Variants in CNTN4 observed in about 807,000 individuals in gnomAD.
The protein encoded by CNTN4 is contactin-4.
In CNTN4, 77 loss-of-function variants were observed where a neutral mutation model predicts 122.5. The observed-to-expected ratio is 0.63, with a 90% CI of 0.52 to 0.76. The LOEUF (loss-of-function observed/expected upper bound fraction) is 0.76, where lower values mean the gene tolerates loss of function less well. Among genes scored for constraint, CNTN4 ranks in the 30% least tolerant of loss-of-function variants. CNTN4 has a pLI of 0.00. For missense variants in CNTN4, 1,256 were observed against 1,259.1 expected (o/e 1.00, Z 0.04); for synonymous variants, 512 against 447.0 (o/e 1.15, Z -1.83).
intron 2 of CNTN4, among the ~76,000 whole-genome samples, chr3:2,219,784 T>C (rs1243141544): frequency 1.3e-5 from 2 of 152,156 alleles, no homozygotes; most frequent in Non-Finnish European, 2.9e-5. Context: ...TGTTTTGAGA[T>C]GGATCTTAAA....
intron 10 of CNTN4, among the ~76,000 whole-genome samples, chr3:2,892,497 C>T (rs1368712784): frequency 6.6e-6 from 1 of 152,116 alleles, no homozygotes; most frequent in Non-Finnish European, 1.5e-5. Flanking sequence ...AGAATGAGAG[C>T]GCTAAGGCAA....
chr3:3,045,971 C>T (rs1026420903), intron 23 of CNTN4, among the ~76,000 whole-genome samples: 2 of 152,182 alleles, frequency 1.3e-5, no homozygotes, highest in African/African-American at 2.4e-5. Flanking sequence ...ACGAGAACTA[C>T]ATGACGAAGG....
chr3:2,531,729 C>T (rs2077604288), intron 3 of CNTN4, among the ~76,000 whole-genome samples: 1 of 152,116 alleles, frequency 6.6e-6, no homozygotes, highest in African/African-American at 2.4e-5. Context: ...AGTAAAGATT[C>T]CATTTGATGA....
At position 2,932,983 on chromosome 3, in the gene CNTN4, C is replaced by T. The variant is rs113388126; in HGVS notation, c.1358+7204C>T. ...GACTACAGGCACCCACCACTATGCCCGGCTAATTTTTTGTATTTTTAGTAG... is the reference window on the plus strand; with the variant it reads ...GACTACAGGCACCCACCACTATGCCTGGCTAATTTTTTGTATTTTTAGTAG... On this transcript the variant is annotated intron_variant, in intron 13 of 24. Transcript: ENST00000418658. Among the ~76,000 whole-genome samples, 1,270 of 152,094 alleles carry T rather than the reference C, an allele frequency of 8.4e-3. 25 individuals are homozygous for T. The highest frequency in any genetic ancestry group is 0.029 in the African/African-American group (1,187 of 41,474).
intron 14 of CNTN4, among the ~76,000 whole-genome samples, chr3:3,020,419 T>G (rs1441521139): frequency 6.6e-6 from 1 of 152,180 alleles, no homozygotes; most frequent in Non-Finnish European, 1.5e-5. Context: ...GAAAAACAGT[T>G]AATTCCGATG....
chr3:2,647,725 G>C (rs2150165055), intron 4 of CNTN4, among the ~76,000 whole-genome samples: 1 of 152,238 alleles, frequency 6.6e-6, no homozygotes, highest in East Asian at 1.9e-4. Context: ...CTCACAAACA[G>C]ATGCAAACTA....
intron 8 of CNTN4, among the ~76,000 whole-genome samples, chr3:2,881,596 C>G (rs558721280): frequency 6.7e-6 from 1 of 149,768 alleles, no homozygotes; most frequent in Non-Finnish European, 1.5e-5. Context: ...ACCTGTCCCC[C>G]ATCCAGTGAG....
chr3:2,495,487 T>C (rs924241782), intron 3 of CNTN4, among the ~76,000 whole-genome samples: 1 of 152,224 alleles, frequency 6.6e-6, no homozygotes, highest in African/African-American at 2.4e-5. Flanking sequence ...AATATGGCTC[T>C]TGTTTGGTCC....
At position 2,530,497 on chromosome 3, in the gene CNTN4, CAG is replaced by C. The variant is rs1401367929; in HGVS notation, c.-88-40918_-88-40917del. 2.0e-5 allele frequency among the ~76,000 whole-genome samples: 3 copies of C among 151,778 alleles called. No individual in the cohort carries two copies. In the East Asian group the frequency reaches 5.9e-4, roughly 30 times the overall value. ...CTAATTTTTGTATTTTTAGTAGAGA[CAG>C]GGGTTTCACCATGTTGGCCAGGATG... On this transcript the variant is annotated intron_variant, in intron 3 of 24. Transcript: ENST00000418658.
At chr3:2,766,587 C>T (rs560046662) in intron 6 of CNTN4, among the ~76,000 whole-genome samples, 103 of 152,090 alleles carry the variant, frequency 6.8e-4, no homozygotes, top group African/African-American at 2.4e-3. Context: ...AATTTTGGGA[C>T]GCGGCGGGGA....
intron 2 of CNTN4, among the ~76,000 whole-genome samples, chr3:2,188,667 T>A (rs1238116480): frequency 2.6e-5 from 4 of 152,114 alleles, no homozygotes; most frequent in African/African-American, 9.7e-5. Flanking sequence ...GCCTCTCAGG[T>A]ACCTGTGAAC....
At chr3:2,179,064 C>T (rs533763838) in intron 2 of CNTN4, among the ~76,000 whole-genome samples, 5 of 152,050 alleles carry the variant, frequency 3.3e-5, no homozygotes, top group Admixed American at 6.6e-5. Context: ...GCTCATACTC[C>T]GAGGTAATAA....
intron 13 of CNTN4, among the ~76,000 whole-genome samples, chr3:2,970,117 A>T (rs1007912656): frequency 2.0e-5 from 3 of 152,202 alleles, no homozygotes; most frequent in African/African-American, 7.2e-5. Context: ...TAAGAGAGAC[A>T]GTCTTGCTCT....
rs1041635298 is a variant in CNTN4 at position 2,447,476 on chromosome 3, A to C, written c.-89+108243A>C. ...TTAACTTCTAACATTTAAATATGCT[A>C]TGTCTATATTTATAATATATTTTAT... is the stretch of plus-strand genomic sequence containing the variant. On this transcript the variant is annotated intron_variant, in intron 3 of 24. Transcript: ENST00000418658. 3.3e-5 allele frequency among the ~76,000 whole-genome samples: 5 copies of C among 152,276 alleles called. No individual in the cohort carries two copies. The South Asian group carries it at 8.3e-4, about 25-fold the overall frequency.
At chr3:2,588,143 A>T (rs116011914) in intron 4 of CNTN4, among the ~76,000 whole-genome samples, 4,983 of 152,192 alleles carry the variant, frequency 0.033, 128 homozygotes, top group African/African-American at 0.066. Context: ...AGCCGTAAAG[A>T]TAAAGACAAC....
intron 3 of CNTN4, among the ~76,000 whole-genome samples, chr3:2,346,720 G>A (rs1270408778): frequency 6.6e-6 from 1 of 152,052 alleles, no homozygotes; most frequent in East Asian, 1.9e-4. Context: ...ATATGCTTAT[G>A]TATGTGATCT....
chr3:2,155,595 G>C (rs1448228075), intron 2 of CNTN4, among the ~76,000 whole-genome samples: 1 of 152,164 alleles, frequency 6.6e-6, no homozygotes, highest in African/African-American at 2.4e-5. Flanking sequence ...CAGCTATGTC[G>C]CCAGTGGGCA....
intron 7 of CNTN4, among the ~76,000 whole-genome samples, chr3:2,854,731 A>C (rs982757946): frequency 6.6e-6 from 1 of 152,162 alleles, no homozygotes; most frequent in East Asian, 1.9e-4. Context: ...CTTGTGTGGG[A>C]GTTGATTATA....
intron 4 of CNTN4, among the ~76,000 whole-genome samples, chr3:2,732,395 G>A (rs1419988711): frequency 2.0e-5 from 3 of 151,984 alleles, no homozygotes; most frequent in South Asian, 2.1e-4. Context: ...ACTCGGAGAC[G>A]CATTGTATTA....
Sources: allele counts gnomAD v4.1 joint callset (sites outside exome capture counted in the v4.1 genomes callset), GRCh38; gene constraint gnomAD v4.1.1; transcripts MANE v1.5; gene names NCBI Gene and HGNC (gene_info 2026-07-23, HGNC 2026-07-21).